TIMM13: variants seen among roughly 807,000 people sequenced by gnomAD.
The protein encoded by TIMM13 is mitochondrial import inner membrane translocase subunit Tim13.
Under a neutral mutation model 10.9 loss-of-function variants are expected in TIMM13, and 8 were observed. That is an observed-to-expected ratio of 0.73 (90% confidence interval 0.43 to 1.32). TIMM13 has a LOEUF of 1.32. Ranked by LOEUF, TIMM13 falls within the 40% of genes most tolerant of loss-of-function variation. TIMM13 has a pLI of 0.01. For missense variants in TIMM13, 147 were observed against 132.8 expected, an observed-to-expected ratio of 1.11 and a Z score of -0.53; for synonymous variants, 68 against 52.5, an observed-to-expected ratio of 1.30 and a Z score of -1.28.
chr19:2,427,381 G>A (rs778148541), intron 1 of TIMM13, 33 bp downstream of exon 1: 1 of 1,611,686 alleles, frequency 6.2e-7, no homozygotes, highest in South Asian at 1.1e-5. Flanking sequence ...TGGCCCTGTC[G>A]CCCCCAGCGC....
rs569283645 is a variant in TIMM13, at chr19:2,427,205, C to T, written c.189+51G>A. The T allele has an allele frequency of 2.5e-3, 3,992 of 1,596,302 alleles. 3 individuals are homozygous for T. The highest frequency in any genetic ancestry group is 3.1e-3 in the Non-Finnish European group (3,677 of 1,173,428). On this transcript the variant is annotated intron_variant, in intron 2 of 2. Coordinates refer to ENST00000215570, the MANE Select transcript of TIMM13 (RefSeq NM_012458.4). The stretch of plus-strand genomic sequence containing the variant: ...TCTGCGCACGCGCAGACACCTCCCC[C>T]CTCGAATCTAGGCCCTCGCGACCCT...
At position 2,426,770 on chromosome 19, in the gene TIMM13, G is replaced by A. The variant is rs1971648237; in HGVS notation, c.*178C>T. ...AAGGCACAGGGCCCCACACCCCCGA[G>A]ATCCAAGCTGCACTGGCTGGCAGGG... On this transcript the variant is annotated 3_prime_UTR_variant, in exon 3 of 3. Coordinates refer to ENST00000215570, the MANE Select transcript of TIMM13 (RefSeq NM_012458.4). The A allele has an allele frequency of 3.0e-6, 2 of 676,664 alleles. No individual in the cohort carries two copies. Among genetic ancestry groups the A allele is most frequent in the South Asian group, 3.5e-5 (2 of 56,576 alleles). 41.9% of individuals were successfully genotyped at this position (676,664 alleles called of 1,614,324 possible). A position where few individuals can be genotyped will look rare whatever the true frequency, so the allele number is the denominator to read the frequency against.
chr19:2,427,029 G>A lies in TIMM13; in HGVS notation c.207C>T (p.Cys69=), dbSNP rs149391173. The change falls in exon 3 of 3, where the codon TGC becomes TGT. Residue 69 remains cysteine (C), a synonymous_variant. Transcript: ENST00000215570. ...TCCAGGCGTCCATGTAGCGGTCCAT[G>A]CACATGGCGATGCACTTCTGCGGGA... ...DNSEQKCIAM[C]MDRYMDAWNT... 596 of 1,609,210 alleles carry A rather than the reference G, an allele frequency of 3.7e-4. 1 individual carries two copies. In the African/African-American group the frequency reaches 7.4e-3, roughly 20 times the overall value.
At position 2,425,883 on chromosome 19, in the gene TIMM13, G is replaced by A. The variant is rs779864043; in HGVS notation, c.*1065C>T. 1.3e-6 allele frequency: 2 copies of A among 1,544,540 alleles called. No individual in the cohort carries two copies. The highest frequency in any genetic ancestry group is 2.3e-5 in the East Asian group (1 of 43,144). ...GCCAATGACCCAAGGGCTGCTGTAGGGGAGGTACCGGCCTCTGAACCCCCT... is the reference window on the plus strand; with the variant it reads ...GCCAATGACCCAAGGGCTGCTGTAGAGGAGGTACCGGCCTCTGAACCCCCT... On this transcript the variant is annotated 3_prime_UTR_variant, in exon 3 of 3. Transcript: ENST00000215570.
Position 2,426,309 on chromosome 19 carries a change from G to A in TIMM13, c.*639C>T. On this transcript the variant is annotated 3_prime_UTR_variant, in exon 3 of 3. Transcript: ENST00000215570. The stretch of plus-strand genomic sequence containing the variant: ...TGTCACAGCGAGGACCACCTGCCTG[G>A]TGCTCCACCAGGACCCGGGGTGGAA... 1 of 532,962 alleles carries A rather than the reference G, an allele frequency of 1.9e-6. No homozygotes were observed. Among genetic ancestry groups the A allele is most frequent in the Non-Finnish European group, 3.2e-6 (1 of 311,436 alleles). 33.0% of individuals were successfully genotyped at this position (532,962 alleles called of 1,614,324 possible).
In TIMM13 at chr19:2,426,198, G is replaced by GT; in HGVS notation, c.*749dup. 1.2e-6 allele frequency: 1 copy of GT among 843,412 alleles called. No homozygotes were observed. 52.2% of individuals were successfully genotyped at this position (843,412 alleles called of 1,614,324 possible). Reference sequence around the variant, plus strand: ...ACCCAAGGACGGGTGTGGGGGGGCTGTGGGTCATGGGGATGCATTTTGGTA... The same window carrying GT: ...ACCCAAGGACGGGTGTGGGGGGGCTGTTGGGTCATGGGGATGCATTTTGGTA... On this transcript the variant is annotated 3_prime_UTR_variant, in exon 3 of 3. Transcript: ENST00000215570.
In TIMM13 at chr19:2,427,321, TC is replaced by T; in HGVS notation, c.123del (p.Met42Ter). On this transcript the variant is annotated frameshift_variant and splice_region_variant, in exon 2 of 3. Transcript: ENST00000215570. LOFTEE classifies it high-confidence loss of function. ...CACTTCCGGAAACACTTGTCCGTCATCCTCTGTGGAGACACGCGAGGCTTTA... is the reference window on the plus strand; with the variant it reads ...CACTTCCGGAAACACTTGTCCGTCATCTCTGTGGAGACACGCGAGGCTTTA... ...AVANAQELLQ[R>X]MTDKCFRKCI... The T allele has an allele frequency of 6.2e-7, 1 of 1,613,302 alleles. No homozygotes were observed. Among genetic ancestry groups the T allele is most frequent in the Non-Finnish European group, 8.5e-7 (1 of 1,179,778 alleles).
At position 2,426,064 on chromosome 19, in the gene TIMM13, G is replaced by T; in HGVS notation, c.*884C>A. Reference sequence around the variant, plus strand: ...CCCGGGTGGCAGCTGTGAGAGGCTGGATAGGACAGCACATCCAGGAGTGAC... The same window carrying T: ...CCCGGGTGGCAGCTGTGAGAGGCTGTATAGGACAGCACATCCAGGAGTGAC... On this transcript the variant is annotated 3_prime_UTR_variant, in exon 3 of 3. Transcript: ENST00000215570. 6.2e-7 allele frequency: 1 copy of T among 1,609,434 alleles called. No homozygotes were observed. The highest frequency in any genetic ancestry group is 8.5e-7 in the Non-Finnish European group (1 of 1,178,492).
chr19:2,425,702 CGGCAGAGCA>C lies in TIMM13; in HGVS notation c.*1237_*1245del. 1 of 1,205,008 alleles carries C rather than the reference CGGCAGAGCA, an allele frequency of 8.3e-7. No homozygotes were observed. The highest frequency in any genetic ancestry group is 1.1e-6 in the Non-Finnish European group (1 of 909,974). 74.6% of individuals were successfully genotyped at this position (1,205,008 alleles called of 1,614,324 possible). On this transcript the variant is annotated 3_prime_UTR_variant, in exon 3 of 3. Transcript: ENST00000215570. ...ACCGCATCCCATCCCCGGGCCTCGG[CGGCAGAGCA>C]GGCAGAGGCTGCAGTGGGAGGCACC...
Position 2,425,760 on chromosome 19 carries a change from G to A in TIMM13, c.*1188C>T, listed in dbSNP as rs555459780. ...CCGTTCCACTCCGGGACCACGTGGC[G>A]GGTGTCCATAAATGTCTGCCACCTT... On this transcript the variant is annotated 3_prime_UTR_variant, in exon 3 of 3. Transcript: ENST00000215570. 5 of 1,181,912 alleles carry A rather than the reference G, an allele frequency of 4.2e-6. No individual in the cohort carries two copies. The highest frequency in any genetic ancestry group is 2.8e-5 in the Admixed American group (1 of 35,138). 73.2% of individuals were successfully genotyped at this position (1,181,912 alleles called of 1,614,324 possible). A position where few individuals can be genotyped will look rare whatever the true frequency, so the allele number is the denominator to read the frequency against.
rs909347221 is a variant in TIMM13, at chr19:2,426,366, G to C, written c.*582C>G. The C allele has an allele frequency of 2.4e-6, 1 of 412,188 alleles. No individual in the cohort carries two copies. The highest frequency in any genetic ancestry group is 4.3e-6 in the Non-Finnish European group (1 of 230,604). 25.5% of individuals were successfully genotyped at this position (412,188 alleles called of 1,614,324 possible). The stretch of plus-strand genomic sequence containing the variant: ...AGGGTCAAAGCAAGCCCTGACAAGG[G>C]GAAGGCTGTCCCCCTTAGCCTTTGG... On this transcript the variant is annotated 3_prime_UTR_variant, in exon 3 of 3. Coordinates refer to ENST00000215570, the MANE Select transcript of TIMM13 (RefSeq NM_012458.4).
Position 2,426,577 on chromosome 19 carries a change from C to CAATTT in TIMM13, c.*366_*370dup. 1 of 362,996 alleles carries CAATTT rather than the reference C, an allele frequency of 2.8e-6. No homozygotes were observed. The highest frequency in any genetic ancestry group is 5.3e-5 in the East Asian group (1 of 18,860). 22.5% of individuals were successfully genotyped at this position (362,996 alleles called of 1,614,324 possible). On this transcript the variant is annotated 3_prime_UTR_variant, in exon 3 of 3. Transcript: ENST00000215570. ...AAAGAGGTTTCTCTCCGTCCTCCAC[C>CAATTT]AATTTATTTGCCCATCCGCAGGAGG... is the stretch of plus-strand genomic sequence containing the variant.
rs867645895 is a variant in TIMM13, at chr19:2,426,229, C to T, written c.*719G>A. On this transcript the variant is annotated 3_prime_UTR_variant, in exon 3 of 3. Transcript: ENST00000215570. ...CATGGGGATGCATTTTGGTACCACC[C>T]TTTGTTCCAATAAACACAGCCCCTC... is the stretch of plus-strand genomic sequence containing the variant. 7 of 1,015,056 alleles carry T rather than the reference C, an allele frequency of 6.9e-6. No homozygotes were observed. Among genetic ancestry groups the T allele is most frequent in the Middle Eastern group, 6.1e-4 (2 of 3,284 alleles). 62.9% of individuals were successfully genotyped at this position (1,015,056 alleles called of 1,614,324 possible).
chr19:2,426,064 G>C lies in TIMM13; in HGVS notation c.*884C>G. Reference sequence around the variant, plus strand: ...CCCGGGTGGCAGCTGTGAGAGGCTGGATAGGACAGCACATCCAGGAGTGAC... The same window carrying C: ...CCCGGGTGGCAGCTGTGAGAGGCTGCATAGGACAGCACATCCAGGAGTGAC... On this transcript the variant is annotated 3_prime_UTR_variant, in exon 3 of 3. Transcript: ENST00000215570. The C allele has an allele frequency of 2.5e-6, 4 of 1,609,434 alleles. No homozygotes were observed. In the South Asian group the frequency reaches 4.4e-5, roughly 18 times the overall value.
chr19:2,425,750 A>T lies in TIMM13; in HGVS notation c.*1198T>A. 8.7e-7 allele frequency: 1 copy of T among 1,154,738 alleles called. No homozygotes were observed. The highest frequency in any genetic ancestry group is 1.2e-6 in the Non-Finnish European group (1 of 850,188). 71.5% of individuals were successfully genotyped at this position (1,154,738 alleles called of 1,614,324 possible). On this transcript the variant is annotated 3_prime_UTR_variant, in exon 3 of 3. Coordinates refer to ENST00000215570, the MANE Select transcript of TIMM13 (RefSeq NM_012458.4). ...GTGGGAGGCACCGTTCCACTCCGGGACCACGTGGCGGGTGTCCATAAATGT... is the reference window on the plus strand; with the variant it reads ...GTGGGAGGCACCGTTCCACTCCGGGTCCACGTGGCGGGTGTCCATAAATGT...
In TIMM13 at chr19:2,425,772, A is replaced by G. The variant is rs189875477; in HGVS notation, c.*1176T>C. ...GGGACCACGTGGCGGGTGTCCATAA[A>G]TGTCTGCCACCTTTGCATTGAGCCC... On this transcript the variant is annotated 3_prime_UTR_variant, in exon 3 of 3. Coordinates refer to ENST00000215570, the MANE Select transcript of TIMM13 (RefSeq NM_012458.4). 1.1e-4 allele frequency: 133 copies of G among 1,250,764 alleles called. No homozygotes were observed. Among genetic ancestry groups the G allele is most frequent in the Non-Finnish European group, 1.3e-4 (118 of 928,692 alleles). 77.5% of individuals were successfully genotyped at this position (1,250,764 alleles called of 1,614,324 possible).
Position 2,426,154 on chromosome 19 carries a change from C to T in TIMM13, c.*794G>A. ...AACAGGAGCAGCAGGCCACCCAACACCCCACCCCACCGTACCCTACCCAAG... is the reference window on the plus strand; with the variant it reads ...AACAGGAGCAGCAGGCCACCCAACATCCCACCCCACCGTACCCTACCCAAG... On this transcript the variant is annotated 3_prime_UTR_variant, in exon 3 of 3. Coordinates refer to ENST00000215570, the MANE Select transcript of TIMM13 (RefSeq NM_012458.4). 2 of 1,370,408 alleles carry T rather than the reference C, an allele frequency of 1.5e-6. No homozygotes were observed. The highest frequency in any genetic ancestry group is 2.5e-5 in the African/African-American group (1 of 39,898). The allele number at this position is 1,370,408 out of a possible 1,614,324, so 84.9% of individuals were successfully genotyped here. A position where few individuals can be genotyped will look rare whatever the true frequency, so the allele number is the denominator to read the frequency against.
chr19:2,426,714 G>A lies in TIMM13; in HGVS notation c.*234C>T. ...TAGGGGAATACCCCAAAGGCCTGAAGGAGGTGCCACTGGGCTGCCAGCACT... is the reference window on the plus strand; with the variant it reads ...TAGGGGAATACCCCAAAGGCCTGAAAGAGGTGCCACTGGGCTGCCAGCACT... On this transcript the variant is annotated 3_prime_UTR_variant, in exon 3 of 3. Coordinates refer to ENST00000215570, the MANE Select transcript of TIMM13 (RefSeq NM_012458.4). 1 of 596,660 alleles carries A rather than the reference G, an allele frequency of 1.7e-6. No homozygotes were observed. Among genetic ancestry groups the A allele is most frequent in the South Asian group, 2.0e-5 (1 of 51,028 alleles). The allele number at this position is 596,660 out of a possible 1,614,324, so 37.0% of individuals were successfully genotyped here. A position where few individuals can be genotyped will look rare whatever the true frequency, so the allele number is the denominator to read the frequency against.
In TIMM13 at chr19:2,426,629, C is replaced by T. The variant is rs950251703; in HGVS notation, c.*319G>A. ...GACAGCTCCTGTGGTGTCTGACCAC[C>T]CCCAACTCCGAAGTCCAGACAAGCT... On this transcript the variant is annotated 3_prime_UTR_variant, in exon 3 of 3. Transcript: ENST00000215570. 1.5e-5 allele frequency: 7 copies of T among 473,350 alleles called. No homozygotes were observed. The highest frequency in any genetic ancestry group is 2.7e-5 in the Non-Finnish European group (7 of 261,698). 29.3% of individuals were successfully genotyped at this position (473,350 alleles called of 1,614,324 possible).
Sources: gnomAD v4.1 joint callset for allele counts on GRCh38, gnomAD v4.1.1 for gene constraint, MANE v1.5 for transcripts, NCBI Gene and HGNC (gene_info 2026-07-23, HGNC 2026-07-21) for gene names.